The following NOPCHAP1 variants were observed in gnomAD, a reference collection of about 807,000 sequenced individuals.
The protein encoded by NOPCHAP1 is NOP protein chaperone 1, also known as DNA damage-sensitive RNA 1.
A neutral mutation model predicts 14.0 loss-of-function variants in NOPCHAP1; 13 were observed. That is an observed-to-expected ratio of 0.93 (90% CI 0.60 to 1.47). The LOEUF (loss-of-function observed/expected upper bound fraction) is 1.47. Among genes scored for constraint, NOPCHAP1 ranks in the 40% most tolerant of loss-of-function variants. NOPCHAP1 has a pLI of 0.00. For synonymous variants in NOPCHAP1, 78 were observed against 78.4 expected, an observed-to-expected ratio of 1.00 and a Z score of 0.03; for missense variants, 230 against 226.9, an observed-to-expected ratio of 1.01 and a Z score of -0.09.
rs1213381167 is a variant in NOPCHAP1 at position 105,002,863 on chromosome 12, G to T, written c.*8167G>T. 1 of 152,180 alleles carries T rather than the reference G, an allele frequency of 6.6e-6. No homozygotes were observed. Among genetic ancestry groups the T allele is most frequent in the Non-Finnish European group, 1.5e-5 (1 of 68,034 alleles). The allele number at this position is 152,180 out of a possible 1,614,324, so 9.4% of individuals were successfully genotyped here. A position where few individuals can be genotyped will look rare whatever the true frequency, so the allele number is the denominator to read the frequency against. On this transcript the variant is annotated 3_prime_UTR_variant, in exon 4 of 4. Transcript: ENST00000552951. Reference sequence around the variant, plus strand: ...AATTTTTGACCATGGAGTAAAGGTGGTTATGGCAGGCAGGCCTGGCTGATC... The same window carrying T: ...AATTTTTGACCATGGAGTAAAGGTGTTTATGGCAGGCAGGCCTGGCTGATC...
At chr12:104,992,942 T>C (rs1011167222) in intron 3 of NOPCHAP1, among the ~76,000 whole-genome samples, 2 of 152,118 alleles carry the variant, frequency 1.3e-5, no homozygotes, top group African/African-American at 4.8e-5. Context: ...TCTGACCTTA[T>C]CTCCTACACA....
chr12:105,001,145 A>G lies in NOPCHAP1; in HGVS notation c.*6449A>G, dbSNP rs1027576685. ...CGATTAACTGTTTTAGCTGTTTTAT[A>G]ACTTGTCCAGTGAAACAGGTTCTTC... On this transcript the variant is annotated 3_prime_UTR_variant, in exon 4 of 4. Transcript: ENST00000552951. 7.2e-5 allele frequency: 11 copies of G among 152,076 alleles called. No individual in the cohort carries two copies. Among genetic ancestry groups the G allele is most frequent in the African/African-American group, 2.4e-4 (10 of 41,420 alleles). The allele number at this position is 152,076 out of a possible 1,614,324, so 9.4% of individuals were successfully genotyped here.
At chr12:104,991,882 C>T (rs761288642) in intron 3 of NOPCHAP1, 34 bp downstream of exon 3, 4 of 1,548,608 alleles carry the variant, frequency 2.6e-6, no homozygotes, top group African/African-American at 1.4e-5. Context: ...GGTGAAATTA[C>T]TGGTCTGCCT....
At position 105,013,310 on chromosome 12, in the gene NOPCHAP1, C is replaced by T. The variant is rs1361203648; in HGVS notation, c.*18614C>T. On this transcript the variant is annotated 3_prime_UTR_variant, in exon 4 of 4. Transcript: ENST00000552951. ...GAAAACTGCCTACTCAAGCCTCAGT[C>T]GTGGTGGACACCCCTTTTCCCACCA... is the stretch of plus-strand genomic sequence containing the variant. 6.6e-6 allele frequency: 1 copy of T among 152,250 alleles called. No homozygotes were observed. Among genetic ancestry groups the T allele is most frequent in the Non-Finnish European group, 1.5e-5 (1 of 68,094 alleles). The allele number at this position is 152,250 out of a possible 1,614,324, so 9.4% of individuals were successfully genotyped here. A position where few individuals can be genotyped will look rare whatever the true frequency, so the allele number is the denominator to read the frequency against.
In NOPCHAP1 at chr12:105,009,406, C is replaced by T. The variant is rs1873770040; in HGVS notation, c.*14710C>T. 1 of 152,198 alleles carries T rather than the reference C, an allele frequency of 6.6e-6. No homozygotes were observed. The highest frequency in any genetic ancestry group is 2.4e-5 in the African/African-American group (1 of 41,458). 9.4% of individuals were successfully genotyped at this position (152,198 alleles called of 1,614,324 possible). A position where few individuals can be genotyped will look rare whatever the true frequency, so the allele number is the denominator to read the frequency against. The stretch of plus-strand genomic sequence containing the variant: ...GGTTTTCTAAATATCATGTCATCTG[C>T]AAACAGGGACAATTTGACTTCCTCT... On this transcript the variant is annotated 3_prime_UTR_variant, in exon 4 of 4. Transcript: ENST00000552951.
chr12:104,991,441 AT>A (rs1873371991), intron 2 of NOPCHAP1, among the ~76,000 whole-genome samples: 1 of 152,186 alleles, frequency 6.6e-6, no homozygotes, highest in Non-Finnish European at 1.5e-5. Context: ...CTGCCTCCCT[AT>A]TTAGTTACTA....
rs567691162 is a variant in NOPCHAP1 at position 105,001,349 on chromosome 12, A to G, written c.*6653A>G. The G allele has an allele frequency of 1.8e-4, 28 of 152,330 alleles. No homozygotes were observed. The highest frequency in any genetic ancestry group is 1.2e-3 in the Admixed American group (18 of 15,308). The allele number at this position is 152,330 out of a possible 1,614,324, so 9.4% of individuals were successfully genotyped here. On this transcript the variant is annotated 3_prime_UTR_variant, in exon 4 of 4. Coordinates refer to ENST00000552951, the MANE Select transcript of NOPCHAP1 (RefSeq NM_152318.3). ...GGCAATTGATGAAATCCATCTGTAAACATTCAAATGGTCCAGGAGGCAGTA... is the reference window on the plus strand; with the variant it reads ...GGCAATTGATGAAATCCATCTGTAAGCATTCAAATGGTCCAGGAGGCAGTA...
chr12:104,991,399 C>T (rs1461202758), intron 2 of NOPCHAP1, among the ~76,000 whole-genome samples: 1 of 152,206 alleles, frequency 6.6e-6, no homozygotes, highest in Non-Finnish European at 1.5e-5. Context: ...CCTAAAGCCT[C>T]AGAACCTGGT....
At chr12:104,989,653 A>G (rs1195642911) in intron 2 of NOPCHAP1, among the ~76,000 whole-genome samples, 5 of 151,992 alleles carry the variant, frequency 3.3e-5, no homozygotes, top group Non-Finnish European at 7.4e-5. Flanking sequence ...TACTGGATCT[A>G]TGGGTTTATA....
intron 2 of NOPCHAP1, among the ~76,000 whole-genome samples, chr12:104,988,718 C>T (rs530464334): frequency 2.0e-5 from 3 of 152,164 alleles, no homozygotes; most frequent in Admixed American, 6.5e-5. Context: ...CTTTATTACA[C>T]GAATGCCCTC....
intron 2 of NOPCHAP1, among the ~76,000 whole-genome samples, chr12:104,988,997 T>C (rs554049499): frequency 6.6e-6 from 1 of 151,992 alleles, no homozygotes; most frequent in African/African-American, 2.4e-5. Context: ...TGCGGGTATA[T>C]AGAAGGTGTA....
chr12:104,991,024 G>A (rs1461060939), intron 2 of NOPCHAP1, among the ~76,000 whole-genome samples: 1 of 152,136 alleles, frequency 6.6e-6, no homozygotes, highest in African/African-American at 2.4e-5. Flanking sequence ...AGAGTTGCCA[G>A]TTTATCAGCA....
In NOPCHAP1 at chr12:104,994,648, A is replaced by G; in HGVS notation, c.510A>G (p.Lys170=). 1 of 1,613,840 alleles carries G rather than the reference A, an allele frequency of 6.2e-7. No individual in the cohort carries two copies. Among genetic ancestry groups the G allele is most frequent in the Non-Finnish European group, 8.5e-7 (1 of 1,179,974 alleles). The stretch of plus-strand genomic sequence containing the variant: ...AGCTTCCCAATTCTGAAGGTGGAAA[A>G]GGCAAGATTGAAGTTTTGGACAGTC... ...NIKLPNSEGG[K]GKIEVLDSPA... is the part of the protein sequence containing the mutation. Residue 170 remains lysine (K), a synonymous_variant, in exon 4 of 4, where the codon AAA becomes AAG. Coordinates refer to ENST00000552951, the MANE Select transcript of NOPCHAP1 (RefSeq NM_152318.3).
rs1366433511 is a variant in NOPCHAP1, at chr12:105,005,691, C to T, written c.*10995C>T. 6.6e-6 allele frequency: 1 copy of T among 152,230 alleles called. No individual in the cohort carries two copies. The highest frequency in any genetic ancestry group is 1.5e-5 in the Non-Finnish European group (1 of 68,056). The allele number at this position is 152,230 out of a possible 1,614,324, so 9.4% of individuals were successfully genotyped here. A position where few individuals can be genotyped will look rare whatever the true frequency, so the allele number is the denominator to read the frequency against. On this transcript the variant is annotated 3_prime_UTR_variant, in exon 4 of 4. Transcript: ENST00000552951. ...TTGGGCGTGGAAAGTTGGGGTTTTC[C>T]TTTTGATTCAGTCTAGGAAGTCAGT...
At position 105,007,738 on chromosome 12, in the gene NOPCHAP1, G is replaced by A. The variant is rs1208282888; in HGVS notation, c.*13042G>A. The A allele has an allele frequency of 1.3e-5, 2 of 151,310 alleles. No homozygotes were observed. Among genetic ancestry groups the A allele is most frequent in the East Asian group, 3.9e-4 (2 of 5,150 alleles). The allele number at this position is 151,310 out of a possible 1,614,324, so 9.4% of individuals were successfully genotyped here. The stretch of plus-strand genomic sequence containing the variant: ...GTTCTCATTGTTCAACTCCCACTTA[G>A]GAGTGAGAACATGTGATGTTTGGTT... On this transcript the variant is annotated 3_prime_UTR_variant, in exon 4 of 4. Transcript: ENST00000552951.
intron 3 of NOPCHAP1, among the ~76,000 whole-genome samples, chr12:104,992,650 T>A (rs1873405077): frequency 6.6e-6 from 1 of 152,146 alleles, no homozygotes; most frequent in South Asian, 2.1e-4. Context: ...AGGAAGCAGG[T>A]CGCACAGCAG....
At chr12:104,993,727 A>T (rs1398106882) in intron 3 of NOPCHAP1, among the ~76,000 whole-genome samples, 2 of 152,246 alleles carry the variant, frequency 1.3e-5, no homozygotes, top group Non-Finnish European at 2.9e-5. Context: ...TAGAAAAAAC[A>T]TTCCTACTTT....
chr12:104,986,786 T>A (rs530810525), intron 1 of NOPCHAP1, among the ~76,000 whole-genome samples: 52 of 152,320 alleles, frequency 3.4e-4, no homozygotes, highest in Admixed American at 3.1e-3. Context: ...CGAGTTCTTT[T>A]GGGGAAGGGA....
At position 105,016,861 on chromosome 12, in the gene NOPCHAP1, G is replaced by A. The variant is rs1208917810; in HGVS notation, c.*22165G>A. ...GTTTGTAAGCAGTTTGCCCTACAGT[G>A]TGTGGAAAGTGCATCACTGTTGTGC... On this transcript the variant is annotated 3_prime_UTR_variant, in exon 4 of 4. Coordinates refer to ENST00000552951, the MANE Select transcript of NOPCHAP1 (RefSeq NM_152318.3). The A allele has an allele frequency of 6.6e-6, 1 of 152,170 alleles. No homozygotes were observed. The highest frequency in any genetic ancestry group is 1.5e-5 in the Non-Finnish European group (1 of 68,034). 9.4% of individuals were successfully genotyped at this position (152,170 alleles called of 1,614,324 possible).
Sources: allele counts gnomAD v4.1 joint callset (sites outside exome capture counted in the v4.1 genomes callset), GRCh38; gene constraint gnomAD v4.1.1; transcripts MANE v1.5; gene names NCBI Gene and HGNC (gene_info 2026-07-23, HGNC 2026-07-21).